The following CTNNA3 variants were observed in gnomAD, a reference collection of about 807,000 sequenced individuals.
CTNNA3 encodes catenin alpha 3, also known as catenin alpha-3.
CTNNA3 carries 76 observed loss-of-function variants against 95.7 expected under a neutral mutation model. The observed-to-expected ratio is 0.79, with a 90% CI of 0.66 to 0.96. CTNNA3 has a LOEUF of 0.96. Among genes scored for constraint, CTNNA3 ranks in the 40% least tolerant of loss-of-function variants. The pLI is 0.00. For synonymous variants in CTNNA3, 431 were observed against 374.4 expected (o/e 1.15, Z -1.74); for missense variants, 1,191 against 1,089.8 (o/e 1.09, Z -1.31).
At chr10:67,734,256 G>T (rs1841290884) in intron 1 of CTNNA3, among the ~76,000 whole-genome samples, 2 of 152,036 alleles carry the variant, frequency 1.3e-5, no homozygotes, top group African/African-American at 2.4e-5. Flanking sequence ...TGAAGATAAA[G>T]CTCCTGACTG....
At chr10:66,102,700 AGTG>A (rs112189542) in intron 14 of CTNNA3, among the ~76,000 whole-genome samples, 12 of 151,468 alleles carry the variant, frequency 7.9e-5, no homozygotes, top group African/African-American at 2.4e-4. Context: ...TGGTGGTGGC[AGTG>A]GTGGTGGTGG....
chr10:66,491,460 A>G (rs2131936340), intron 11 of CTNNA3, among the ~76,000 whole-genome samples: 1 of 152,292 alleles, frequency 6.6e-6, no homozygotes, highest in South Asian at 2.1e-4. Context: ...TAACATATTT[A>G]TTTATTCCCA....
intron 6 of CTNNA3, among the ~76,000 whole-genome samples, chr10:67,182,169 T>C (rs1241798193): frequency 6.6e-6 from 1 of 152,172 alleles, no homozygotes; most frequent in Non-Finnish European, 1.5e-5. Flanking sequence ...ATGACTTTCT[T>C]CACAGAATTG....
At position 66,355,828 on chromosome 10, in the gene CTNNA3, T is replaced by A. The variant is rs182709454; in HGVS notation, c.1732+23324A>T. Among the ~76,000 whole-genome samples, 707 of 152,186 alleles carry A rather than the reference T, an allele frequency of 4.6e-3. 7 individuals carry two copies. Among genetic ancestry groups the A allele is most frequent in the Non-Finnish European group, 5.9e-3 (398 of 67,960 alleles). ...CCTATGTTTTCTTTTAAGAGTTTTC[T>A]ATTGTAATTTAAAGCTGTTATCTAA... On this transcript the variant is annotated intron_variant, in intron 12 of 17. Coordinates refer to ENST00000433211, the MANE Select transcript of CTNNA3 (RefSeq NM_013266.4).
intron 10 of CTNNA3, among the ~76,000 whole-genome samples, chr10:66,588,482 G>T (rs1390302352): frequency 3.3e-5 from 5 of 152,128 alleles, no homozygotes; most frequent in African/African-American, 1.2e-4. Context: ...ACATAGGCCA[G>T]ATTTTCAGTT....
intron 7 of CTNNA3, among the ~76,000 whole-genome samples, chr10:67,073,325 A>C (rs922500340): frequency 1.3e-5 from 2 of 152,210 alleles, no homozygotes; most frequent in Non-Finnish European, 2.9e-5. Flanking sequence ...TTAATTGGCT[A>C]AATTTTGAAA....
At chr10:66,184,733 A>C (rs1192441065) in intron 13 of CTNNA3, among the ~76,000 whole-genome samples, 1 of 152,212 alleles carries the variant, frequency 6.6e-6, no homozygotes, top group East Asian at 1.9e-4. Context: ...TTATCAGTAC[A>C]GATATAAAAT....
chr10:67,010,391 CT>C (rs1347965791), intron 7 of CTNNA3, among the ~76,000 whole-genome samples: 1 of 151,920 alleles, frequency 6.6e-6, no homozygotes, highest in African/African-American at 2.4e-5. Context: ...TATCATTTAC[CT>C]TTGAAAATAA....
At chr10:66,929,073 C>T (rs970142994) in intron 7 of CTNNA3, among the ~76,000 whole-genome samples, 4 of 152,126 alleles carry the variant, frequency 2.6e-5, no homozygotes, top group Non-Finnish European at 4.4e-5. Flanking sequence ...AGCACAGGGA[C>T]AAAGTGATGA....
chr10:66,666,433 T>A (rs2132457683), intron 9 of CTNNA3, among the ~76,000 whole-genome samples: 1 of 152,292 alleles, frequency 6.6e-6, no homozygotes, highest in South Asian at 2.1e-4. Context: ...TTAAATAACT[T>A]ATAATATTTA....
At chr10:66,208,087 G>A (rs1171373486) in intron 13 of CTNNA3, among the ~76,000 whole-genome samples, 1 of 151,956 alleles carries the variant, frequency 6.6e-6, no homozygotes, top group East Asian at 1.9e-4. Flanking sequence ...TTTTTATCAG[G>A]GCTCAATTTT....
chr10:67,692,373 CTT>C (rs1242970498), intron 1 of CTNNA3, among the ~76,000 whole-genome samples: 78 of 142,038 alleles, frequency 5.5e-4, no homozygotes, highest in African/African-American at 2.0e-3. Flanking sequence ...ACATGGGAGA[CTT>C]TTCATTTTGT....
At chr10:66,691,145 G>C (rs1223862264) in intron 9 of CTNNA3, among the ~76,000 whole-genome samples, 2 of 152,204 alleles carry the variant, frequency 1.3e-5, no homozygotes, top group African/African-American at 2.4e-5. Flanking sequence ...ATGAGCTGAA[G>C]CAGGGCAAGG....
At chr10:67,550,235 G>A (rs1285770876) in intron 3 of CTNNA3, among the ~76,000 whole-genome samples, 4 of 152,084 alleles carry the variant, frequency 2.6e-5, no homozygotes, top group Admixed American at 2.6e-4. Flanking sequence ...AATAATATTA[G>A]CATCTCAGGA....
At chr10:67,715,813 G>A (rs1841139043) in intron 1 of CTNNA3, among the ~76,000 whole-genome samples, 1 of 151,108 alleles carries the variant, frequency 6.6e-6, no homozygotes, top group Non-Finnish European at 1.5e-5. Flanking sequence ...CAATCTGCCT[G>A]GAACTGGCTG....
chr10:66,551,974 G>T lies in CTNNA3; in HGVS notation c.1375-31201C>A, dbSNP rs569754423. ...CTGGAGTGCAGTGGCGCTGATCTTG[G>T]CTCACTGCAACCTCTGCCTCCTGGG... On this transcript the variant is annotated intron_variant, in intron 10 of 17. Transcript: ENST00000433211. Among the ~76,000 whole-genome samples the T allele has an allele frequency of 7.4e-5, 11 of 148,010 alleles. No individual in the cohort carries two copies. In the East Asian group the frequency reaches 2.1e-3, roughly 28 times the overall value.
At chr10:66,200,441 G>C (rs2131914724) in intron 13 of CTNNA3, among the ~76,000 whole-genome samples, 1 of 152,250 alleles carries the variant, frequency 6.6e-6, no homozygotes, top group South Asian at 2.1e-4. Context: ...TTCTTGCAAG[G>C]GTTCTGGACA....
intron 10 of CTNNA3, among the ~76,000 whole-genome samples, chr10:66,537,350 A>G (rs1358654738): frequency 6.6e-6 from 1 of 152,090 alleles, no homozygotes; most frequent in Non-Finnish European, 1.5e-5. Context: ...AAGGTTCAAT[A>G]TGTTTGAATA....
At chr10:67,673,987 G>A (rs570505339) in intron 1 of CTNNA3, among the ~76,000 whole-genome samples, 1 of 151,746 alleles carries the variant, frequency 6.6e-6, no homozygotes, top group Admixed American at 6.6e-5. Flanking sequence ...ACTCTTTGCT[G>A]TAGGAGACAA....
Sources: gnomAD v4.1 joint callset for allele counts (sites outside exome capture counted in the v4.1 genomes callset) on GRCh38, gnomAD v4.1.1 for gene constraint, MANE v1.5 for transcripts, NCBI Gene and HGNC (gene_info 2026-07-23, HGNC 2026-07-21) for gene names.